VIT: variants seen among roughly 807,000 people sequenced by gnomAD.
The protein encoded by VIT is vitrin.
In VIT, 99 loss-of-function variants were observed where a neutral mutation model predicts 78.0. The ratio of observed to expected loss-of-function variants is 1.27; its 90% confidence interval spans 1.08 to 1.50. The LOEUF is 1.50. Among genes scored for constraint, VIT ranks in the 40% most tolerant of loss-of-function variants. The pLI, the probability that VIT is intolerant of heterozygous loss-of-function variation, is 0.00. For synonymous variants in VIT, 374 were observed against 334.3 expected (o/e 1.12, Z -1.29); for missense variants, 1,126 against 875.3 (o/e 1.29, Z -3.61).
intron 4 of VIT, among the ~76,000 whole-genome samples, chr2:36,752,389 T>C (rs1286742885): frequency 6.6e-6 from 1 of 152,140 alleles, no homozygotes; most frequent in Non-Finnish European, 1.5e-5. Flanking sequence ...CCCTTCTCTC[T>C]GAGCCAAGGG....
rs566912153 is a variant in VIT at position 36,727,927 on chromosome 2, G to A, written c.53-1499G>A. Among the ~76,000 whole-genome samples, 340 of 151,106 alleles carry A rather than the reference G, an allele frequency of 2.3e-3. 1 individual carries two copies. Among genetic ancestry groups the A allele is most frequent in the Non-Finnish European group, 3.7e-3 (253 of 68,006 alleles). ...AACAAGTAACAACTATGTTGCTGGC[G>A]TGTGTGTTTTCTTTTTTTTGAGATG... On this transcript the variant is annotated intron_variant, in intron 2 of 15. Transcript: ENST00000379242.
At chr2:36,712,115 T>A (rs1026246297) in intron 1 of VIT, among the ~76,000 whole-genome samples, 14 of 151,998 alleles carry the variant, frequency 9.2e-5, no homozygotes, top group Admixed American at 5.2e-4. Context: ...GCAGTCCTCA[T>A]GCTCAGCCTT....
chr2:36,801,224 A>T, intron 12 of VIT, 77 bp from the exon 13 acceptor site: 1 of 1,310,470 alleles, frequency 7.6e-7, no homozygotes, highest in Non-Finnish European at 1.1e-6. Context: ...TATATAAAAG[A>T]ATCAACCATG....
At chr2:36,751,683 G>GA (rs1195125724) in intron 4 of VIT, among the ~76,000 whole-genome samples, 1 of 151,988 alleles carries the variant, frequency 6.6e-6, no homozygotes, top group African/African-American at 2.4e-5. Context: ...AACTTGGTGG[G>GA]AAAAATATAA....
At chr2:36,798,967 G>A (rs1436579747) in intron 12 of VIT, among the ~76,000 whole-genome samples, 2 of 152,090 alleles carry the variant, frequency 1.3e-5, no homozygotes, top group Admixed American at 1.3e-4. Flanking sequence ...CCCCCATTCT[G>A]CTGATTGCTG....
At chr2:36,718,184 C>A (rs910044065) in intron 2 of VIT, among the ~76,000 whole-genome samples, 5 of 152,118 alleles carry the variant, frequency 3.3e-5, no homozygotes, top group African/African-American at 1.2e-4. Context: ...TTCTAAGATA[C>A]GGGGGCTCAG....
intron 13 of VIT, among the ~76,000 whole-genome samples, chr2:36,803,313 T>G (rs978049221): frequency 6.6e-6 from 1 of 152,228 alleles, no homozygotes; most frequent in African/African-American, 2.4e-5. Context: ...CATCAATTCA[T>G]GGAACTAAAA....
Position 36,732,816 on chromosome 2 carries a change from G to T in VIT, c.118+3325G>T, listed in dbSNP as rs371904143. Among the ~76,000 whole-genome samples the T allele has an allele frequency of 6.6e-5, 10 of 152,292 alleles. No homozygotes were observed. In the South Asian group the frequency reaches 2.1e-3, roughly 32 times the overall value. On this transcript the variant is annotated intron_variant, in intron 3 of 15. Transcript: ENST00000379242. ...ACTCAGAGAGTTAGGAAAAGAAGCT[G>T]TGTATCTGGGAGGGCTTCCTGGAGG...
intron 9 of VIT, among the ~76,000 whole-genome samples, chr2:36,777,847 T>C (rs780006165): frequency 2.0e-4 from 31 of 152,180 alleles, no homozygotes; most frequent in Non-Finnish European, 4.0e-4. Context: ...GTGCCACCTG[T>C]CTCCATTCCC....
At chr2:36,799,456 T>C (rs1427343128) in intron 12 of VIT, among the ~76,000 whole-genome samples, 2 of 152,192 alleles carry the variant, frequency 1.3e-5, no homozygotes, top group Non-Finnish European at 1.5e-5. Context: ...CTCACATCTG[T>C]AATCTTGGCA....
chr2:36,773,950 C>G, intron 8 of VIT, 103 bp downstream of exon 8: 1 of 1,206,428 alleles, frequency 8.3e-7, no homozygotes, highest in East Asian at 2.8e-5. Context: ...TGGACAAGGA[C>G]TATTAAACCA....
At chr2:36,709,702 A>C (rs1034446945) in intron 1 of VIT, among the ~76,000 whole-genome samples, 1 of 152,186 alleles carries the variant, frequency 6.6e-6, no homozygotes, top group African/African-American at 2.4e-5. Context: ...CAGATAGAAC[A>C]ATAATGTGAA....
In VIT at chr2:36,775,069, T is replaced by C; in HGVS notation, c.802+2T>C. On this transcript the variant is annotated splice_donor_variant, in intron 9 of 15. Coordinates refer to ENST00000379242, the MANE Select transcript of VIT (RefSeq NM_053276.4). LOFTEE classifies it high-confidence loss of function. ...CTGTTGGAGCGGATGTCAGCCTGGG[T>C]AAGCTGCCCACTGCTTACCATCTCT... The C allele has an allele frequency of 6.2e-7, 1 of 1,613,754 alleles. No homozygotes were observed. The highest frequency in any genetic ancestry group is 8.5e-7 in the Non-Finnish European group (1 of 1,179,974).
chr2:36,724,177 C>G (rs1488044106), intron 2 of VIT, among the ~76,000 whole-genome samples: 1 of 151,992 alleles, frequency 6.6e-6, no homozygotes, highest in Non-Finnish European at 1.5e-5. Flanking sequence ...AGCCACCATG[C>G]CTGGCTAATT....
Position 36,746,384 on chromosome 2 carries a change from C to T in VIT, c.275+3128C>T, listed in dbSNP as rs567390992. On this transcript the variant is annotated intron_variant, in intron 4 of 15. Coordinates refer to ENST00000379242, the MANE Select transcript of VIT (RefSeq NM_053276.4). The stretch of plus-strand genomic sequence containing the variant: ...TGGAATAGTTTCAGTAGTATTGGTA[C>T]CAGCTCTTGGTACTTCTGGTAGAAT... 4.6e-5 allele frequency among the ~76,000 whole-genome samples: 7 copies of T among 152,196 alleles called. No individual in the cohort carries two copies. In the East Asian group the frequency reaches 5.8e-4, roughly 13 times the overall value.
chr2:36,731,618 T>C (rs1049015730), intron 3 of VIT, among the ~76,000 whole-genome samples: 2 of 152,120 alleles, frequency 1.3e-5, no homozygotes, highest in Admixed American at 1.3e-4. Flanking sequence ...AAGTAAGGGC[T>C]ATTATTACTA....
At chr2:36,697,078 A>AGCAGACTGT in intron 1 of VIT, 105 bp downstream of exon 1, 1 of 127,020 alleles carries the variant, frequency 7.9e-6, no homozygotes. Flanking sequence ...TGACCGAGTA[A>AGCAGACTGT]GCAAATTTCA....
chr2:36,766,980 C>A, intron 6 of VIT, 114 bp from the exon 7 acceptor site: 2 of 1,216,272 alleles, frequency 1.6e-6, no homozygotes, highest in Non-Finnish European at 2.1e-6. Flanking sequence ...TTCACCGTGG[C>A]TAGCACAGCT....
chr2:36,737,299 G>A (rs1042715838), intron 3 of VIT, among the ~76,000 whole-genome samples: 2 of 152,162 alleles, frequency 1.3e-5, no homozygotes, highest in African/African-American at 4.8e-5. Context: ...GAGGAGTCAC[G>A]GAAATGCAGC....
Sources: gnomAD v4.1 joint callset for allele counts (sites outside exome capture counted in the v4.1 genomes callset) on GRCh38, gnomAD v4.1.1 for gene constraint, MANE v1.5 for transcripts, NCBI Gene and HGNC (gene_info 2026-07-23, HGNC 2026-07-21) for gene names.